Variants in ZC2HC1A observed in about 807,000 individuals in gnomAD.
The protein encoded by ZC2HC1A is zinc finger C2HC-type containing 1A.
A neutral mutation model predicts 40.7 loss-of-function variants in ZC2HC1A; 28 were observed. The ratio of observed to expected loss-of-function variants is 0.69; its 90% CI spans 0.51 to 0.94. The LOEUF (loss-of-function observed/expected upper bound fraction) is 0.94, where lower values mean the gene tolerates loss of function less well. Ranked by LOEUF, ZC2HC1A falls within the 40% of genes least tolerant of loss-of-function variation. The pLI, the probability that ZC2HC1A is intolerant of heterozygous loss-of-function variation, is 0.00. For synonymous variants in ZC2HC1A, 129 were observed against 129.2 expected, an observed-to-expected ratio of 1.00 and a Z score of 0.01; for missense variants, 389 against 386.3, an observed-to-expected ratio of 1.01 and a Z score of -0.06.
intron 5 of ZC2HC1A, among the ~76,000 whole-genome samples, chr8:78,691,662 G>A (rs1252391776): frequency 6.6e-6 from 1 of 151,548 alleles, no homozygotes; most frequent in East Asian, 1.9e-4. Flanking sequence ...TTTCCCTTTT[G>A]TCTTCATAAG....
chr8:78,689,088 T>C lies in ZC2HC1A; in HGVS notation c.353-134T>C, dbSNP rs1276446254. 2.1e-5 allele frequency: 11 copies of C among 533,566 alleles called. No homozygotes were observed. In the South Asian group the frequency reaches 6.4e-4, roughly 31 times the overall value. The allele number at this position is 533,566 out of a possible 1,614,324, so 33.1% of individuals were successfully genotyped here. ...TTAGACAAGTAAAACTGGGTAGTTA[T>C]AAGGATATGGGAATTTTTGCTTATC... On this transcript the variant is annotated intron_variant, in intron 4 of 8. Coordinates refer to ENST00000263849, the MANE Select transcript of ZC2HC1A (RefSeq NM_016010.3).
At chr8:78,702,544 T>C (rs907795389) in intron 7 of ZC2HC1A, among the ~76,000 whole-genome samples, 1 of 152,154 alleles carries the variant, frequency 6.6e-6, no homozygotes, top group African/African-American at 2.4e-5. Context: ...GTTCTTTTAG[T>C]TGTGATCTTT....
At chr8:78,714,712 C>A (rs1354620657) in intron 7 of ZC2HC1A, among the ~76,000 whole-genome samples, 1 of 152,152 alleles carries the variant, frequency 6.6e-6, no homozygotes, top group East Asian at 1.9e-4. Flanking sequence ...AAAATTAAAT[C>A]TTTAAAGGGA....
intron 6 of ZC2HC1A, among the ~76,000 whole-genome samples, chr8:78,697,713 C>G (rs1810471088): frequency 6.9e-6 from 1 of 144,250 alleles, no homozygotes; most frequent in Non-Finnish European, 1.5e-5. Flanking sequence ...GAGTCTTGCT[C>G]TGTTGCCCAG....
At chr8:78,689,453 A>G in intron 5 of ZC2HC1A, 80 bp downstream of exon 5, 1 of 1,318,068 alleles carries the variant, frequency 7.6e-7, no homozygotes, top group Non-Finnish European at 1.0e-6. Context: ...GCTTTTCATG[A>G]CATTAGACTA....
chr8:78,713,854 A>G (rs1398838569), intron 7 of ZC2HC1A, among the ~76,000 whole-genome samples: 2 of 152,178 alleles, frequency 1.3e-5, no homozygotes, highest in African/African-American at 4.8e-5. Context: ...TTAAAATGGG[A>G]ATAATATCTT....
At chr8:78,684,496 T>C (rs1375210364) in intron 3 of ZC2HC1A, among the ~76,000 whole-genome samples, 3 of 152,180 alleles carry the variant, frequency 2.0e-5, no homozygotes, top group South Asian at 2.1e-4. Context: ...AGGTGGAGTT[T>C]ATGGGAGCTA....
chr8:78,692,503 G>A (rs978242400), intron 5 of ZC2HC1A, among the ~76,000 whole-genome samples: 1 of 152,114 alleles, frequency 6.6e-6, no homozygotes, highest in Non-Finnish European at 1.5e-5. Flanking sequence ...ACATGACATG[G>A]TAGGTAATAT....
At chr8:78,710,759 A>T (rs996028816) in intron 7 of ZC2HC1A, among the ~76,000 whole-genome samples, 2 of 152,244 alleles carry the variant, frequency 1.3e-5, no homozygotes, top group African/African-American at 2.4e-5. Flanking sequence ...TTAATTTAAA[A>T]TATTTTAGAA....
intron 2 of ZC2HC1A, among the ~76,000 whole-genome samples, chr8:78,676,986 C>G (rs1240211201): frequency 6.6e-6 from 1 of 151,854 alleles, no homozygotes; most frequent in Non-Finnish European, 1.5e-5. Context: ...ATCTGCTATC[C>G]TCATTTTTTA....
At chr8:78,698,296 GA>G (rs1327958136) in intron 6 of ZC2HC1A, 117 bp from the exon 7 acceptor site, 2 of 810,054 alleles carry the variant, frequency 2.5e-6, no homozygotes, top group African/African-American at 3.5e-5. Flanking sequence ...TGTCTTCAAT[GA>G]AAACTTGATT....
In ZC2HC1A at chr8:78,689,280, T is replaced by C. The variant is rs1273656572; in HGVS notation, c.411T>C (p.His137=). The C allele has an allele frequency of 3.1e-6, 5 of 1,601,090 alleles. No individual in the cohort carries two copies. Among genetic ancestry groups the C allele is most frequent in the Non-Finnish European group, 4.3e-6 (5 of 1,173,580 alleles). Residue 137 remains histidine (H), a synonymous_variant, in exon 5 of 9, where the codon CAT becomes CAC. Coordinates refer to ENST00000263849, the MANE Select transcript of ZC2HC1A (RefSeq NM_016010.3). ...TCAATGAAAATGCAGCTGATAGACATATAAATTTCTGTAAAGAACAGGCAG... is the reference window on the plus strand; with the variant it reads ...TCAATGAAAATGCAGCTGATAGACACATAAATTTCTGTAAAGAACAGGCAG... ...RRFNENAADR[H]INFCKEQAAR...
rs575117111 is a variant in ZC2HC1A, at chr8:78,696,737, G to A, written c.505-670G>A. On this transcript the variant is annotated intron_variant, in intron 5 of 8. Transcript: ENST00000263849. ...AATTAGCTCTTTCTCTTCATATCAG[G>A]GAAATCCATAATGCAGCTGTTGTAA... 7.7e-4 allele frequency among the ~76,000 whole-genome samples: 117 copies of A among 152,232 alleles called. 5 individuals are homozygous for A. The South Asian group carries it at 0.023, about 30-fold the overall frequency.
Position 78,717,721 on chromosome 8 carries a change from T to C in ZC2HC1A, c.*228T>C. The stretch of plus-strand genomic sequence containing the variant: ...CCCCAGACTGTGTCATTCAAGGAAA[T>C]ATTCACTTATCTGTCAGAAAATAAT... On this transcript the variant is annotated 3_prime_UTR_variant, in exon 9 of 9. Coordinates refer to ENST00000263849, the MANE Select transcript of ZC2HC1A (RefSeq NM_016010.3). 1 of 315,472 alleles carries C rather than the reference T, an allele frequency of 3.2e-6. No individual in the cohort carries two copies. The highest frequency in any genetic ancestry group is 5.7e-6 in the Non-Finnish European group (1 of 174,652). 19.5% of individuals were successfully genotyped at this position (315,472 alleles called of 1,614,324 possible). A position where few individuals can be genotyped will look rare whatever the true frequency, so the allele number is the denominator to read the frequency against.
At chr8:78,678,729 G>A (rs199497628) in intron 3 of ZC2HC1A, 50 bp downstream of exon 3, 21 of 1,273,308 alleles carry the variant, frequency 1.6e-5, no homozygotes, top group Non-Finnish European at 2.1e-5. Flanking sequence ...TATGTATGTT[G>A]AAAAATATTA....
intron 3 of ZC2HC1A, among the ~76,000 whole-genome samples, chr8:78,683,876 A>C (rs1809869061): frequency 6.6e-6 from 1 of 152,166 alleles, no homozygotes; most frequent in Non-Finnish European, 1.5e-5. Context: ...AAAGCCACAG[A>C]TCTCTATTGC....
intron 1 of ZC2HC1A, among the ~76,000 whole-genome samples, chr8:78,669,137 T>C (rs1809376781): frequency 6.7e-6 from 1 of 149,794 alleles, no homozygotes; most frequent in Non-Finnish European, 1.5e-5. Context: ...TATAATTCTT[T>C]ATCTTTATTA....
chr8:78,677,076 T>C (rs555365986), intron 2 of ZC2HC1A, among the ~76,000 whole-genome samples: 1 of 152,130 alleles, frequency 6.6e-6, no homozygotes, highest in Non-Finnish European at 1.5e-5. Context: ...ACTTGATTGC[T>C]AATTGTGTAC....
intron 1 of ZC2HC1A, among the ~76,000 whole-genome samples, chr8:78,674,709 G>T (rs1276928287): frequency 6.6e-6 from 1 of 152,094 alleles, no homozygotes; most frequent in Non-Finnish European, 1.5e-5. Context: ...AAACAAAACA[G>T]TTCTTCTGTT....
Sources: gnomAD v4.1 joint callset for allele counts (sites outside exome capture counted in the v4.1 genomes callset) on GRCh38, gnomAD v4.1.1 for gene constraint, MANE v1.5 for transcripts, NCBI Gene and HGNC (gene_info 2026-07-23, HGNC 2026-07-21) for gene names.